The following AP1AR variants were observed in gnomAD, a reference collection of about 807,000 sequenced individuals.
AP1AR encodes adaptor related protein complex 1 associated regulatory protein.
AP1AR carries 29 observed loss-of-function variants against 46.3 expected under a neutral mutation model. The observed-to-expected ratio is 0.63, with a 90% CI of 0.47 to 0.85. The LOEUF is 0.85. AP1AR is among the 40% of genes least tolerant of loss of function. The pLI is 0.00. For synonymous variants in AP1AR, 122 were observed against 122.9 expected, an observed-to-expected ratio of 0.99 and a Z score of 0.05; for missense variants, 357 against 356.3, an observed-to-expected ratio of 1.00 and a Z score of -0.02.
intron 1 of AP1AR, among the ~76,000 whole-genome samples, chr4:112,234,398 G>A (rs1047688333): frequency 3.3e-5 from 5 of 152,164 alleles, no homozygotes; most frequent in Non-Finnish European, 5.9e-5. Flanking sequence ...TTTACTGTTT[G>A]TGGGCAAAGC....
At chr4:112,266,037 C>T (rs1726690619) in intron 8 of AP1AR, among the ~76,000 whole-genome samples, 1 of 151,626 alleles carries the variant, frequency 6.6e-6, no homozygotes, top group Non-Finnish European at 1.5e-5. Context: ...GGAAGTCAAG[C>T]ACTCCTTTTT....
intron 2 of AP1AR, among the ~76,000 whole-genome samples, chr4:112,253,941 T>C (rs371833099): frequency 3.9e-5 from 6 of 152,172 alleles, no homozygotes; most frequent in African/African-American, 1.2e-4. Context: ...GAATTAGATA[T>C]TTAAAAATCA....
rs1726685075 is a variant in AP1AR at position 112,265,884 on chromosome 4, TAGA to T, written c.514+82_514+84del. 6 of 897,910 alleles carry T rather than the reference TAGA, an allele frequency of 6.7e-6. No homozygotes were observed. In the South Asian group the frequency reaches 1.0e-4, roughly 16 times the overall value. 55.6% of individuals were successfully genotyped at this position (897,910 alleles called of 1,614,324 possible). On this transcript the variant is annotated intron_variant, in intron 8 of 9. Transcript: ENST00000274000. ...AGTAGAGATTCTGGCTCTGTTTCTG[TAGA>T]AGAACTTTCTGTTCTTAAATTTGTA...
chr4:112,257,857 T>C (rs1726272822), intron 4 of AP1AR, 60 bp downstream of exon 4: 4 of 1,411,232 alleles, frequency 2.8e-6, no homozygotes, highest in Non-Finnish European at 3.8e-6. Flanking sequence ...AAAACTCTCT[T>C]AAGAAGTCAG....
At chr4:112,262,366 C>T (rs1397425618) in intron 5 of AP1AR, among the ~76,000 whole-genome samples, 4 of 152,110 alleles carry the variant, frequency 2.6e-5, no homozygotes, top group Admixed American at 2.6e-4. Flanking sequence ...GTAAGCTATA[C>T]AGTAGCTGTT....
intron 9 of AP1AR, among the ~76,000 whole-genome samples, chr4:112,267,905 T>G (rs1726774449): frequency 6.6e-6 from 1 of 151,926 alleles, no homozygotes; most frequent in Non-Finnish European, 1.5e-5. Context: ...TCTTATCGGA[T>G]AATCGATGCA....
intron 8 of AP1AR, 75 bp downstream of exon 8, chr4:112,265,882 T>A (rs1726684800): frequency 4.3e-6 from 4 of 931,684 alleles, no homozygotes; most frequent in Non-Finnish European, 6.4e-6. Context: ...GCTCTGTTTC[T>A]GTAGAAGAAC....
rs1028283707 is a variant in AP1AR at position 112,259,832 on chromosome 4, C to T, written c.186-934C>T. ...GACTCTGAACAAGTTAAGAACATTC[C>T]TCTTTAGAGGATGGTGAGGAGAATA... On this transcript the variant is annotated intron_variant, in intron 4 of 9. Transcript: ENST00000274000. Among the ~76,000 whole-genome samples, 3 of 152,076 alleles carry T rather than the reference C, an allele frequency of 2.0e-5. No homozygotes were observed. The East Asian group carries it at 5.8e-4, about 29-fold the overall frequency.
At chr4:112,253,770 C>A (rs1403787184) in intron 2 of AP1AR, among the ~76,000 whole-genome samples, 2 of 152,168 alleles carry the variant, frequency 1.3e-5, no homozygotes, top group East Asian at 3.9e-4. Context: ...CACCCTGTTT[C>A]ATGGATGAAA....
intron 1 of AP1AR, among the ~76,000 whole-genome samples, chr4:112,238,044 A>G (rs1353108095): frequency 2.0e-5 from 3 of 152,274 alleles, no homozygotes; most frequent in South Asian, 4.1e-4. Flanking sequence ...CAGCATTTCA[A>G]CAAATGAGTG....
At position 112,257,804 on chromosome 4, in the gene AP1AR, C is replaced by T; in HGVS notation, c.185+7C>T. ...GCCCAGGAAGCAGTCATAGGTAAGG[C>T]TTTGTTAAAAAAAAAAAACAAAACT... On this transcript the variant is annotated splice_region_variant and intron_variant, in intron 4 of 9. Transcript: ENST00000274000. 6.5e-7 allele frequency: 1 copy of T among 1,538,686 alleles called. No individual in the cohort carries two copies. Among genetic ancestry groups the T allele is most frequent in the African/African-American group, 1.4e-5 (1 of 70,324 alleles).
intron 1 of AP1AR, among the ~76,000 whole-genome samples, chr4:112,251,160 T>C (rs1725945351): frequency 6.6e-6 from 1 of 152,164 alleles, no homozygotes; most frequent in African/African-American, 2.4e-5. Context: ...GGATATTGTC[T>C]CTCCCTGCTC....
intron 4 of AP1AR, among the ~76,000 whole-genome samples, chr4:112,260,369 G>A (rs185504050): frequency 7.2e-5 from 11 of 152,196 alleles, no homozygotes; most frequent in African/African-American, 2.7e-4. Context: ...AAGAGTTCCA[G>A]AATGGTATGA....
intron 2 of AP1AR, 22 bp downstream of exon 2, chr4:112,253,278 T>G (rs1212960437): frequency 1.3e-6 from 2 of 1,592,446 alleles, no homozygotes; most frequent in Non-Finnish European, 8.6e-7. Context: ...TTAATTTGAT[T>G]GAATTAAAAA....
rs1486536853 is a variant in AP1AR at position 112,231,884 on chromosome 4, C to T, written c.-208C>T. 2 of 407,496 alleles carry T rather than the reference C, an allele frequency of 4.9e-6. No individual in the cohort carries two copies. The highest frequency in any genetic ancestry group is 8.5e-6 in the Non-Finnish European group (2 of 234,118). 25.2% of individuals were successfully genotyped at this position (407,496 alleles called of 1,614,324 possible). A position where few individuals can be genotyped will look rare whatever the true frequency, so the allele number is the denominator to read the frequency against. On this transcript the variant is annotated 5_prime_UTR_variant, in exon 1 of 10. Coordinates refer to ENST00000274000, the MANE Select transcript of AP1AR (RefSeq NM_018569.6). ...GTGCTCCTCCCTCGCGCAGCGGTGG[C>T]TCTGCGGCCGCTGGAGTAAACACTG... is the stretch of plus-strand genomic sequence containing the variant.
At chr4:112,260,249 T>G (rs1450252774) in intron 4 of AP1AR, among the ~76,000 whole-genome samples, 1 of 152,118 alleles carries the variant, frequency 6.6e-6, no homozygotes, top group Non-Finnish European at 1.5e-5. Context: ...ATATTGGTTG[T>G]AAGTGAAGCA....
Position 112,263,099 on chromosome 4 carries a change from G to C in AP1AR, c.381+13G>C, listed in dbSNP as rs1263585173. The C allele has an allele frequency of 1.2e-6, 2 of 1,606,260 alleles. No individual in the cohort carries two copies. On this transcript the variant is annotated intron_variant, in intron 6 of 9. Transcript: ENST00000274000. Reference sequence around the variant, plus strand: ...AAAGCTCTTGGAGGTGAGGGGAAAAGACCCCAGCATATATTAGGGTTGCTT... The same window carrying C: ...AAAGCTCTTGGAGGTGAGGGGAAAACACCCCAGCATATATTAGGGTTGCTT...
At chr4:112,264,259 G>A (rs1035109091) in intron 6 of AP1AR, among the ~76,000 whole-genome samples, 1 of 152,100 alleles carries the variant, frequency 6.6e-6, no homozygotes, top group Non-Finnish European at 1.5e-5. Flanking sequence ...CCCTTTTAAA[G>A]ACAAAGCATT....
Position 112,268,142 on chromosome 4 carries a change from A to G in AP1AR, c.644-2A>G. 6.5e-7 allele frequency: 1 copy of G among 1,531,598 alleles called. No individual in the cohort carries two copies. Among genetic ancestry groups the G allele is most frequent in the Non-Finnish European group, 8.8e-7 (1 of 1,141,802 alleles). The allele number at this position is 1,531,598 out of a possible 1,614,324, so 94.9% of individuals were successfully genotyped here. On this transcript the variant is annotated splice_acceptor_variant, in intron 9 of 9. Coordinates refer to ENST00000274000, the MANE Select transcript of AP1AR (RefSeq NM_018569.6). LOFTEE classifies it high-confidence loss of function. ...TTTTTGAAAACTCTGTTCAAATCAT[A>G]GGAATGAATAGAATGCTTCCAATGA... is the stretch of plus-strand genomic sequence containing the variant.
Sources: allele counts gnomAD v4.1 joint callset (sites outside exome capture counted in the v4.1 genomes callset), GRCh38; gene constraint gnomAD v4.1.1; transcripts MANE v1.5; gene names NCBI Gene and HGNC (gene_info 2026-07-23, HGNC 2026-07-21).